GARNL3: variants seen among roughly 807,000 people sequenced by gnomAD.
GARNL3 encodes the protein GTPase activating Rap/RanGAP domain like 3.
In GARNL3, 63 loss-of-function variants were observed where a neutral mutation model predicts 125.0. The observed-to-expected ratio is 0.50, with a 90% CI of 0.41 to 0.62. The LOEUF is 0.62. Among genes scored for constraint, GARNL3 ranks in the 20% least tolerant of loss-of-function variants. The pLI is 0.00. For synonymous variants in GARNL3, 439 were observed against 457.5 expected, an observed-to-expected ratio of 0.96 and a Z score of 0.52; for missense variants, 994 against 1,244.0, an observed-to-expected ratio of 0.80 and a Z score of 3.02.
intron 27 of GARNL3, among the ~76,000 whole-genome samples, chr9:127,391,533 A>AAAAAAAAAAAAAAAATATATATAT: frequency 2.6e-5 from 2 of 75,844 alleles, no homozygotes; most frequent in African/African-American, 7.9e-5. Context: ...ACAAAAAAAA[A>AAAAAAAAAAAAAAAATATATATAT]ATATATATAT....
intron 12 of GARNL3, 25 bp downstream of exon 12, chr9:127,338,186 G>T (rs1829658125): frequency 6.4e-7 from 1 of 1,558,288 alleles, no homozygotes; most frequent in Admixed American, 1.7e-5. Context: ...TGTCTCGATT[G>T]CTTGTCCTAA....
In GARNL3 at chr9:127,320,769, A is replaced by G; in HGVS notation, c.558A>G (p.Glu186=). 1 of 1,605,652 alleles carries G rather than the reference A, an allele frequency of 6.2e-7. No individual in the cohort carries two copies. The highest frequency in any genetic ancestry group is 1.3e-5 in the African/African-American group (1 of 74,838). The change falls in exon 6 of 28, where the codon GAA becomes GAG. Residue 186 remains glutamate (E), a synonymous_variant. Transcript: ENST00000373387. ...EKGPREIFHP[E]IQKDLLVLEE... ...GCCCCAGGGAAATTTTTCATCCTGA[A>G]ATACAAAAGGTAACAGAAAATTTTA... is the stretch of plus-strand genomic sequence containing the variant.
intron 2 of GARNL3, among the ~76,000 whole-genome samples, chr9:127,292,767 G>A (rs2064462708): frequency 6.6e-6 from 1 of 152,212 alleles, no homozygotes; most frequent in African/African-American, 2.4e-5. Flanking sequence ...TACACCAGAG[G>A]ATAGGTTCTG....
intron 2 of GARNL3, among the ~76,000 whole-genome samples, chr9:127,306,642 G>A (rs1192666768): frequency 7.9e-5 from 12 of 152,008 alleles, no homozygotes. Flanking sequence ...CAGGAGAATG[G>A]CGTGAACCCG....
At chr9:127,300,478 TTTG>T in intron 2 of GARNL3, 1 of 401,310 alleles carries the variant, frequency 2.5e-6, no homozygotes, top group Non-Finnish European at 4.8e-6. Flanking sequence ...TTTTCTTTTT[TTTG>T]TTGTTTTTTG....
chr9:127,342,141 CAGACAAG>C, intron 13 of GARNL3, 71 bp from the exon 14 acceptor site: 1 of 958,808 alleles, frequency 1.0e-6, no homozygotes, highest in South Asian at 1.4e-5. Context: ...AAGAAAAGAA[CAGACAAG>C]CATAGTTTCA....
chr9:127,285,565 A>C (rs536165814), intron 1 of GARNL3, among the ~76,000 whole-genome samples: 5 of 152,350 alleles, frequency 3.3e-5, no homozygotes, highest in African/African-American at 1.2e-4. Flanking sequence ...CTATAAATCC[A>C]TACTCATTTT....
intron 22 of GARNL3, among the ~76,000 whole-genome samples, chr9:127,378,868 C>G (rs968166884): frequency 2.6e-5 from 4 of 152,110 alleles, no homozygotes; most frequent in Admixed American, 6.6e-5. Flanking sequence ...CTCCGCCTCC[C>G]AAGTCCAAGT....
At position 127,230,594 on chromosome 9, in the gene GARNL3, G is replaced by A. The variant is rs551984159; in HGVS notation, c.-29+6256G>A. On this transcript the variant is annotated intron_variant, in intron 1 of 10. Coordinates refer to the GARNL3 transcript ENST00000439286. Reference sequence around the variant, plus strand: ...CATGAACCCAGGAGGCAGAGGTTGCGGTGAGCCAAGATCGCACCATTGCAC... The same window carrying A: ...CATGAACCCAGGAGGCAGAGGTTGCAGTGAGCCAAGATCGCACCATTGCAC... Among the ~76,000 whole-genome samples, 165 of 151,564 alleles carry A rather than the reference G, an allele frequency of 1.1e-3. 1 individual carries two copies. The highest frequency in any genetic ancestry group is 1.8e-3 in the Non-Finnish European group (125 of 67,852).
intron 2 of GARNL3, among the ~76,000 whole-genome samples, chr9:127,302,496 T>C (rs2064830527): frequency 6.6e-6 from 1 of 152,198 alleles, no homozygotes; most frequent in Non-Finnish European, 1.5e-5. Context: ...TAGACACATA[T>C]GTACTACTAC....
At chr9:127,300,361 T>G in intron 2 of GARNL3, 1 of 276,646 alleles carries the variant, frequency 3.6e-6, no homozygotes, top group Non-Finnish European at 7.0e-6. Context: ...TGGCCTTCTT[T>G]TCTTTGTTTT....
chr9:127,243,039 TCTC>T (rs1448353670), intron 1 of GARNL3: 4 of 1,315,360 alleles, frequency 3.0e-6, no homozygotes, highest in Non-Finnish European at 3.0e-6. Flanking sequence ...CTGCCGTTCT[TCTC>T]TGTCTCTTAG....
intron 24 of GARNL3, among the ~76,000 whole-genome samples, chr9:127,386,570 A>T (rs187566059): frequency 2.2e-4 from 34 of 152,370 alleles, no homozygotes; most frequent in Admixed American, 1.6e-3. Context: ...TCCAGAGCAG[A>T]TGTAATAGTA....
chr9:127,318,139 T>C lies in GARNL3; in HGVS notation c.503+12T>C. The C allele has an allele frequency of 6.5e-7, 1 of 1,529,716 alleles. No individual in the cohort carries two copies. Among genetic ancestry groups the C allele is most frequent in the Non-Finnish European group, 9.1e-7 (1 of 1,102,920 alleles). The allele number at this position is 1,529,716 out of a possible 1,614,324, so 94.8% of individuals were successfully genotyped here. On this transcript the variant is annotated intron_variant, in intron 5 of 27. Transcript: ENST00000373387. ...AAGTCCATCTTAAGGTGAGTTCTAA[T>C]GGGTAGAAACCCCACACATGGATTT...
At chr9:127,374,160 G>A (rs897445634) in intron 22 of GARNL3, among the ~76,000 whole-genome samples, 4 of 152,152 alleles carry the variant, frequency 2.6e-5, no homozygotes, top group Admixed American at 2.6e-4. Flanking sequence ...AATTAGCCAG[G>A]CGTGGTGGCT....
chr9:127,363,239 G>T (rs951059566), intron 21 of GARNL3: 6 of 152,290 alleles, frequency 3.9e-5, no homozygotes, highest in African/African-American at 1.2e-4. Flanking sequence ...CCCCGGGTCT[G>T]TCCAATGCCA....
chr9:127,269,073 A>G (rs1436961493), intron 1 of GARNL3, among the ~76,000 whole-genome samples: 1 of 152,182 alleles, frequency 6.6e-6, no homozygotes, highest in Non-Finnish European at 1.5e-5. Context: ...GTCATGGCTC[A>G]CTGCAGCCTT....
intron 4 of GARNL3, among the ~76,000 whole-genome samples, chr9:127,317,144 G>A (rs1479567211): frequency 6.6e-6 from 1 of 152,162 alleles, no homozygotes; most frequent in Non-Finnish European, 1.5e-5. Context: ...TGGTGTGGAC[G>A]GGAGACTGAA....
chr9:127,323,636 C>T (rs1039156495), intron 6 of GARNL3, among the ~76,000 whole-genome samples: 7 of 152,126 alleles, frequency 4.6e-5, no homozygotes, highest in Admixed American at 4.6e-4. Flanking sequence ...GGAAGGAGCA[C>T]TGGCGTGGGT....
Sources: gnomAD v4.1 joint callset for allele counts (sites outside exome capture counted in the v4.1 genomes callset) on GRCh38, gnomAD v4.1.1 for gene constraint, MANE v1.5 for transcripts, NCBI Gene and HGNC (gene_info 2026-07-23, HGNC 2026-07-21) for gene names.